SNX29: variants seen among roughly 807,000 people sequenced by gnomAD.
SNX29 encodes the protein sorting nexin 29.
A neutral mutation model predicts 102.1 loss-of-function variants in SNX29; 78 were observed. That is an observed-to-expected ratio of 0.76 (90% CI 0.64 to 0.92). SNX29 has a LOEUF of 0.92. Among genes scored for constraint, SNX29 ranks in the 40% least tolerant of loss-of-function variants. SNX29 has a pLI of 0.00. For synonymous variants in SNX29, 580 were observed against 414.5 expected, an observed-to-expected ratio of 1.40 and a Z score of -4.85; for missense variants, 1,280 against 1,061.7, an observed-to-expected ratio of 1.21 and a Z score of -2.86.
intron 18 of SNX29, among the ~76,000 whole-genome samples, chr16:12,444,657 G>A (rs1470895341): frequency 1.3e-5 from 2 of 152,064 alleles, no homozygotes; most frequent in Non-Finnish European, 2.9e-5. Context: ...AAGGGAGAGC[G>A]TTTTTCTCCA....
chr16:12,561,902 G>A (rs2078745877), intron 20 of SNX29, among the ~76,000 whole-genome samples: 2 of 152,170 alleles, frequency 1.3e-5, no homozygotes, highest in African/African-American at 4.8e-5. Flanking sequence ...CATCCCAGGA[G>A]TTCCTTCTCC....
intron 18 of SNX29, among the ~76,000 whole-genome samples, chr16:12,425,549 AAAAAT>A (rs1478983350): frequency 0.23 from 31,751 of 135,732 alleles, 5,480 homozygotes; most frequent in Non-Finnish European, 0.34. Context: ...AAAAAATAAA[AAAAAT>A]AAAAAGAGGG....
chr16:12,264,873 C>G (rs1243589486), intron 14 of SNX29, among the ~76,000 whole-genome samples: 1 of 152,148 alleles, frequency 6.6e-6, no homozygotes, highest in Non-Finnish European at 1.5e-5. Flanking sequence ...TGAGTGTGTC[C>G]TTTGTGCTCA....
At position 12,573,342 on chromosome 16, in the gene SNX29, A is replaced by G. The variant is rs1555468084; in HGVS notation, c.*4713A>G. On this transcript the variant is annotated 3_prime_UTR_variant, in exon 21 of 21. Coordinates refer to ENST00000566228, the MANE Select transcript of SNX29 (RefSeq NM_032167.5). ...TACTCTGAATTATGTCATGGAGTAG[A>G]CAGTTACTTCTAAATCCCAGCAACC... 4.4e-6 allele frequency: 1 copy of G among 225,504 alleles called. No individual in the cohort carries two copies. Among genetic ancestry groups the G allele is most frequent in the Non-Finnish European group, 8.8e-6 (1 of 113,324 alleles). The allele number at this position is 225,504 out of a possible 1,614,324, so 14.0% of individuals were successfully genotyped here.
At chr16:12,288,178 A>G (rs1313738556) in intron 15 of SNX29, among the ~76,000 whole-genome samples, 1 of 152,140 alleles carries the variant, frequency 6.6e-6, no homozygotes, top group East Asian at 1.9e-4. Flanking sequence ...GGCGGGACTC[A>G]GACACTGGAC....
chr16:12,527,151 CCTT>C (rs917975397), intron 20 of SNX29: 30 of 519,400 alleles, frequency 5.8e-5, no homozygotes, highest in African/African-American at 4.3e-4. Flanking sequence ...GCCCCCTTCT[CCTT>C]CTTCCTTTTT....
intron 11 of SNX29, among the ~76,000 whole-genome samples, chr16:12,104,642 C>G (rs943246382): frequency 6.6e-6 from 1 of 151,704 alleles, no homozygotes; most frequent in African/African-American, 2.4e-5. Context: ...TTCTCCAGAT[C>G]TCCAGGATCA....
chr16:12,119,173 C>A (rs181390241), intron 11 of SNX29, among the ~76,000 whole-genome samples: 107 of 152,282 alleles, frequency 7.0e-4, no homozygotes, highest in African/African-American at 2.5e-3. Flanking sequence ...GCAGCCATGT[C>A]CCCGCATAGA....
intron 20 of SNX29, among the ~76,000 whole-genome samples, chr16:12,539,535 G>C (rs1427004633): frequency 6.6e-6 from 1 of 152,204 alleles, no homozygotes; most frequent in Non-Finnish European, 1.5e-5. Context: ...TTTGAATAGA[G>C]CTAGTGGAAA....
At chr16:12,534,404 C>T (rs776327591) in intron 20 of SNX29, among the ~76,000 whole-genome samples, 1 of 152,208 alleles carries the variant, frequency 6.6e-6, no homozygotes. Flanking sequence ...TGCTTCTTGT[C>T]CTCTGTGTAG....
At chr16:12,568,358 A>G (rs150373870) in intron 20 of SNX29, 148 bp from the exon 21 acceptor site, 1 of 1,043,478 alleles carries the variant, frequency 9.6e-7, no homozygotes, top group Admixed American at 2.6e-5. Context: ...TCATTTCTTC[A>G]GGTGGCACCA....
At chr16:12,178,373 C>T (rs979427149) in intron 13 of SNX29, among the ~76,000 whole-genome samples, 1 of 152,146 alleles carries the variant, frequency 6.6e-6, no homozygotes, top group African/African-American at 2.4e-5. Context: ...AGGTTTAAGT[C>T]ATGCTCATTG....
At chr16:12,378,410 G>C (rs1332714413) in intron 16 of SNX29, among the ~76,000 whole-genome samples, 3 of 152,218 alleles carry the variant, frequency 2.0e-5, no homozygotes, top group African/African-American at 7.2e-5. Flanking sequence ...AGCGCTTTAG[G>C]AGGCTGAGGC....
intron 11 of SNX29, among the ~76,000 whole-genome samples, chr16:12,109,150 A>G (rs998600585): frequency 5.9e-5 from 9 of 151,494 alleles, no homozygotes; most frequent in African/African-American, 1.9e-4. Flanking sequence ...AAAAAAAAAA[A>G]AAAAAGAAAA....
rs775254536 is a variant in SNX29 at position 12,570,142 on chromosome 16, A to G, written c.*1513A>G. The G allele has an allele frequency of 3.8e-6, 4 of 1,061,050 alleles. No homozygotes were observed. Among genetic ancestry groups the G allele is most frequent in the Non-Finnish European group, 4.6e-6 (4 of 875,558 alleles). 65.7% of individuals were successfully genotyped at this position (1,061,050 alleles called of 1,614,324 possible). On this transcript the variant is annotated 3_prime_UTR_variant, in exon 21 of 21. Transcript: ENST00000566228. ...TTCATGGCCTTTAAGGAAGGCTGAG[A>G]TCACTCACACACAGCGCCCCCCCAC...
At chr16:12,339,203 AC>A (rs1402823661) in intron 15 of SNX29, among the ~76,000 whole-genome samples, 2 of 152,020 alleles carry the variant, frequency 1.3e-5, no homozygotes, top group Non-Finnish European at 2.9e-5. Flanking sequence ...CCCCGTCTCT[AC>A]TAAAAATATA....
intron 18 of SNX29, among the ~76,000 whole-genome samples, chr16:12,463,533 G>A (rs8062629): frequency 0.89 from 135,892 of 152,114 alleles, 60,901 homozygotes; most frequent in Middle Eastern, 0.96. Context: ...CACTAACAAG[G>A]GAACAGCATG....
At chr16:12,023,157 A>G (rs58552913) in intron 3 of SNX29, among the ~76,000 whole-genome samples, 1 of 152,164 alleles carries the variant, frequency 6.6e-6, no homozygotes, top group East Asian at 1.9e-4. Context: ...TTGGCCTCCC[A>G]AAGTGCTGGT....
At chr16:12,226,658 C>G (rs2077619659) in intron 14 of SNX29, among the ~76,000 whole-genome samples, 1 of 151,472 alleles carries the variant, frequency 6.6e-6, no homozygotes, top group Non-Finnish European at 1.5e-5. Context: ...ACTGCAACCT[C>G]TGCCTCCTGG....
Sources: allele counts gnomAD v4.1 joint callset (sites outside exome capture counted in the v4.1 genomes callset), GRCh38; gene constraint gnomAD v4.1.1; transcripts MANE v1.5; gene names NCBI Gene and HGNC (gene_info 2026-07-23, HGNC 2026-07-21).